The following SIMC1 variants were observed in gnomAD, a reference collection of about 807,000 sequenced individuals.
SIMC1 encodes the protein SUMO interacting motifs containing 1.
A neutral mutation model predicts 82.3 loss-of-function variants in SIMC1; 55 were observed. That is an observed-to-expected ratio of 0.67 (90% CI 0.54 to 0.84). The LOEUF is 0.84. Among genes scored for constraint, SIMC1 ranks in the 40% least tolerant of loss-of-function variants. The pLI is 0.00. For missense variants in SIMC1, 915 were observed against 1,107.2 expected, an observed-to-expected ratio of 0.83 and a Z score of 2.46; for synonymous variants, 353 against 426.3, an observed-to-expected ratio of 0.83 and a Z score of 2.12.
chr5:176,334,477 A>G (rs1217613188), intron 7 of SIMC1, among the ~76,000 whole-genome samples: 1 of 152,174 alleles, frequency 6.6e-6, no homozygotes, highest in Non-Finnish European at 1.5e-5. Flanking sequence ...TCCTTGAAAC[A>G]CCAGTATCTT....
intron 1 of SIMC1, among the ~76,000 whole-genome samples, chr5:176,254,699 A>T (rs1465199879): frequency 2.6e-5 from 4 of 151,104 alleles, no homozygotes; most frequent in Non-Finnish European, 5.9e-5. Context: ...TTATATGCAC[A>T]TTCTCAAATA....
chr5:176,334,351 A>G (rs1765795496), intron 7 of SIMC1, among the ~76,000 whole-genome samples: 1 of 152,124 alleles, frequency 6.6e-6, no homozygotes, highest in South Asian at 2.1e-4. Flanking sequence ...TGTTTCTAGG[A>G]TTTGTGAGGT....
At position 176,290,573 on chromosome 5, in the gene SIMC1, C is replaced by G. The variant is rs767345432; in HGVS notation, c.1049C>G (p.Pro350Arg). 1.2e-6 allele frequency: 2 copies of G among 1,613,956 alleles called. No individual in the cohort carries two copies. Among genetic ancestry groups the G allele is most frequent in the Admixed American group, 3.3e-5 (2 of 60,008 alleles). Residue 350 changes from proline to arginine, a missense_variant, in exon 2 of 10, where the codon CCA (proline) becomes CGA (arginine). Pro to Arg is a moderately radical substitution (Grantham distance 103, BLOSUM62 -2). This residue lies in a region of SIMC1 where 902 missense variants were observed against 1,040.3 expected (regional missense o/e 0.87). Transcript: ENST00000429602. ...GTGTTACATTCACCTGGAGACATGCCACACTCATCAGGGGACGTGACACAC... is the reference window on the plus strand; with the variant it reads ...GTGTTACATTCACCTGGAGACATGCGACACTCATCAGGGGACGTGACACAC... Reference protein sequence around the residue: ...GDVLHSPGDMPHSSGDVTHSP... With the variant: ...GDVLHSPGDMRHSSGDVTHSP...
At position 176,308,559 on chromosome 5, in the gene SIMC1, G is replaced by C. The variant is rs995239131; in HGVS notation, c.1735-5132G>C. 3 of 1,595,998 alleles carry C rather than the reference G, an allele frequency of 1.9e-6. No homozygotes were observed. The Admixed American group carries it at 5.1e-5, about 27-fold the overall frequency. On this transcript the variant is annotated intron_variant, in intron 4 of 9. Transcript: ENST00000429602. ...CATAGAAGATAAGAACACAAGGGCTGGCCGGGTACTCTACACTTGCTTCCA... is the reference window on the plus strand; with the variant it reads ...CATAGAAGATAAGAACACAAGGGCTCGCCGGGTACTCTACACTTGCTTCCA...
chr5:176,337,003 G>C, intron 8 of SIMC1, 59 bp from the exon 9 acceptor site: 1 of 1,604,540 alleles, frequency 6.2e-7, no homozygotes, highest in Middle Eastern at 1.7e-4. Context: ...ATTGAAAACT[G>C]TACAAAAATT....
chr5:176,289,188 A>G (rs1763434728), intron 1 of SIMC1, among the ~76,000 whole-genome samples: 1 of 152,196 alleles, frequency 6.6e-6, no homozygotes, highest in African/African-American at 2.4e-5. Flanking sequence ...CCCCATCTGT[A>G]TGATGGATTG....
chr5:176,329,534 C>T (rs918393155), intron 7 of SIMC1, among the ~76,000 whole-genome samples: 1 of 149,334 alleles, frequency 6.7e-6, no homozygotes, highest in African/African-American at 2.5e-5. Context: ...GCTATTCCAT[C>T]ATCACAAGGA....
intron 1 of SIMC1, among the ~76,000 whole-genome samples, chr5:176,259,870 T>C (rs1282874730): frequency 6.6e-6 from 1 of 151,926 alleles, no homozygotes; most frequent in Admixed American, 6.6e-5. Flanking sequence ...ACAGTTTTTG[T>C]GTATTGCTCC....
intron 9 of SIMC1, among the ~76,000 whole-genome samples, chr5:176,344,962 T>C (rs1766366477): frequency 6.6e-6 from 1 of 152,068 alleles, no homozygotes; most frequent in African/African-American, 2.4e-5. Context: ...ATCCAAACCA[T>C]ATCACTTTTT....
intron 1 of SIMC1, among the ~76,000 whole-genome samples, chr5:176,252,714 C>T (rs1446509692): frequency 5.3e-5 from 8 of 152,044 alleles, no homozygotes; most frequent in Admixed American, 1.3e-4. Flanking sequence ...CAGGCAGAGA[C>T]GCTCCTCACT....
chr5:176,259,111 T>A (rs1215046844), intron 1 of SIMC1, among the ~76,000 whole-genome samples: 1 of 152,188 alleles, frequency 6.6e-6, no homozygotes, highest in Non-Finnish European at 1.5e-5. Context: ...GTTCTCTGAT[T>A]TGCTTATGTT....
At chr5:176,246,232 A>G (rs1477942371) in intron 1 of SIMC1, among the ~76,000 whole-genome samples, 289 of 150,258 alleles carry the variant, frequency 1.9e-3, no homozygotes, top group South Asian at 6.5e-3. Flanking sequence ...GGCTGGTCTC[A>G]AACTGCTGAC....
chr5:176,251,895 G>C (rs1013166750), intron 1 of SIMC1, among the ~76,000 whole-genome samples: 8 of 149,730 alleles, frequency 5.3e-5, no homozygotes, highest in South Asian at 2.1e-4. Flanking sequence ...CACAGGGTTG[G>C]GGGTAAGGTC....
At chr5:176,302,686 AAAT>A (rs1420914253) in intron 4 of SIMC1, among the ~76,000 whole-genome samples, 4 of 152,224 alleles carry the variant, frequency 2.6e-5, no homozygotes, top group South Asian at 4.1e-4. Context: ...CTAGTAAATG[AAAT>A]AATAAGTGAA....
At chr5:176,275,551 A>G (rs920916167) in intron 1 of SIMC1, among the ~76,000 whole-genome samples, 116 of 151,910 alleles carry the variant, frequency 7.6e-4, no homozygotes, top group African/African-American at 2.7e-3. Context: ...GTCTTGTGCC[A>G]GTTTTCAAAG....
At chr5:176,333,255 G>A (rs1439827429) in intron 7 of SIMC1, among the ~76,000 whole-genome samples, 1 of 151,930 alleles carries the variant, frequency 6.6e-6, no homozygotes, top group Non-Finnish European at 1.5e-5. Context: ...AGTGAGCCAA[G>A]ATTGCACCAC....
At chr5:176,244,661 A>G (rs1020556093) in intron 1 of SIMC1, among the ~76,000 whole-genome samples, 2 of 143,392 alleles carry the variant, frequency 1.4e-5, no homozygotes, top group African/African-American at 5.2e-5. Flanking sequence ...CAAATTCCCT[A>G]TGCTTGTCCT....
chr5:176,342,310 G>A (rs1274162977), intron 9 of SIMC1, among the ~76,000 whole-genome samples: 1 of 151,888 alleles, frequency 6.6e-6, no homozygotes, highest in Non-Finnish European at 1.5e-5. Context: ...GCTCTCAAAG[G>A]CCAAACTCCA....
At chr5:176,268,885 A>G (rs1436402224) in intron 1 of SIMC1, among the ~76,000 whole-genome samples, 1 of 152,216 alleles carries the variant, frequency 6.6e-6, no homozygotes, top group Non-Finnish European at 1.5e-5. Flanking sequence ...CCCTAAGTAC[A>G]CAAGGAAGAT....
Sources: allele counts gnomAD v4.1 joint callset (sites outside exome capture counted in the v4.1 genomes callset), GRCh38; gene constraint gnomAD v4.1.1; regional missense constraint gnomAD v4.1.1; transcripts MANE v1.5; gene names NCBI Gene and HGNC (gene_info 2026-07-23, HGNC 2026-07-21).